The following QRFPR variants were observed in gnomAD, a reference collection of about 807,000 sequenced individuals.
The protein encoded by QRFPR is pyroglutamylated RF-amide peptide receptor.
A neutral mutation model predicts 31.3 loss-of-function variants in QRFPR; 37 were observed. The observed-to-expected ratio is 1.18, with a 90% confidence interval of 0.91 to 1.56. The LOEUF (loss-of-function observed/expected upper bound fraction) is 1.56. Ranked by LOEUF, QRFPR falls within the 40% of genes most tolerant of loss-of-function variation. The pLI, the probability that QRFPR is intolerant of heterozygous loss-of-function variation, is 0.00. For synonymous variants in QRFPR, 197 were observed against 192.0 expected (o/e 1.03, Z -0.22); for missense variants, 542 against 532.5 (o/e 1.02, Z -0.18).
intron 1 of QRFPR, among the ~76,000 whole-genome samples, chr4:121,341,244 A>T (rs1725538575): frequency 6.6e-6 from 1 of 152,222 alleles, no homozygotes. Context: ...TAAAATGTTT[A>T]TACTATCTGT....
intron 1 of QRFPR, among the ~76,000 whole-genome samples, chr4:121,369,192 C>T (rs1255458310): frequency 2.6e-5 from 4 of 152,120 alleles, no homozygotes; most frequent in African/African-American, 9.7e-5. Context: ...CCATGCCCGG[C>T]TAATTTTTGT....
At chr4:121,372,384 G>T (rs1034378122) in intron 1 of QRFPR, among the ~76,000 whole-genome samples, 3 of 152,028 alleles carry the variant, frequency 2.0e-5, no homozygotes, top group Middle Eastern at 3.2e-3. Flanking sequence ...GAGATAAAAA[G>T]TTTTATTTTT....
At position 121,376,741 on chromosome 4, in the gene QRFPR, C is replaced by G. The variant is rs538130289; in HGVS notation, c.340+3567G>C. Among the ~76,000 whole-genome samples, 114 of 152,294 alleles carry G rather than the reference C, an allele frequency of 7.5e-4. 1 individual carries two copies. The highest frequency in any genetic ancestry group is 3.4e-3 in the Middle Eastern group (1 of 292). On this transcript the variant is annotated intron_variant, in intron 1 of 5. Transcript: ENST00000394427. Reference sequence around the variant, plus strand: ...AAGAGACAAGTGTAACTGGTTTGGGCTGGGGCTGGCGCAGGCCATTTTCAA... The same window carrying G: ...AAGAGACAAGTGTAACTGGTTTGGGGTGGGGCTGGCGCAGGCCATTTTCAA...
intron 1 of QRFPR, among the ~76,000 whole-genome samples, chr4:121,342,009 G>A (rs1246659750): frequency 1.3e-5 from 2 of 152,184 alleles, no homozygotes; most frequent in Admixed American, 6.5e-5. Context: ...CTAGCAAAAT[G>A]TACTTCTGGA....
intron 2 of QRFPR, among the ~76,000 whole-genome samples, chr4:121,337,335 T>C (rs534444649): frequency 1.6e-4 from 25 of 152,284 alleles, no homozygotes; most frequent in African/African-American, 6.0e-4. Flanking sequence ...AATCACCTTC[T>C]CTAGGGAAAC....
chr4:121,337,317 G>A (rs959213139), intron 2 of QRFPR, among the ~76,000 whole-genome samples: 1 of 152,154 alleles, frequency 6.6e-6, no homozygotes, highest in African/African-American at 2.4e-5. Flanking sequence ...TCCAGGACTT[G>A]ACTCAGAAAT....
In QRFPR at chr4:121,351,429, C is replaced by T. The variant is rs1327016400; in HGVS notation, c.341-10819G>A. 2.0e-5 allele frequency among the ~76,000 whole-genome samples: 3 copies of T among 152,106 alleles called. 1 individual carries two copies. Among genetic ancestry groups the T allele is most frequent in the African/African-American group, 7.2e-5 (3 of 41,408 alleles). ...TTTTGTCTATACTGGTATGTTTCTT[C>T]TAATTTTCATTATTTTAATAGCTAC... On this transcript the variant is annotated intron_variant, in intron 1 of 5. Transcript: ENST00000394427.
In QRFPR at chr4:121,353,421, A is replaced by G. The variant is rs1725800936; in HGVS notation, c.341-12811T>C. On this transcript the variant is annotated intron_variant, in intron 1 of 5. Transcript: ENST00000394427. ...GGATGAAAGCCATCTTAACTGGGGT[A>G]AGATTCTATCACATTGTGGTTTTCA... Among the ~76,000 whole-genome samples, 4 of 152,032 alleles carry G rather than the reference A, an allele frequency of 2.6e-5. No individual in the cohort carries two copies. In the South Asian group the frequency reaches 8.3e-4, roughly 32 times the overall value.
At chr4:121,333,166 C>T in intron 3 of QRFPR, 110 bp from the exon 4 acceptor site, 1 of 676,212 alleles carries the variant, frequency 1.5e-6, no homozygotes, top group Non-Finnish European at 2.5e-6. Flanking sequence ...CAAATTTGTC[C>T]CCAGCACGTA....
At chr4:121,372,279 G>A (rs1301076114) in intron 1 of QRFPR, among the ~76,000 whole-genome samples, 2 of 152,112 alleles carry the variant, frequency 1.3e-5, no homozygotes, top group Non-Finnish European at 2.9e-5. Context: ...CCTGAGGTGC[G>A]TGATTAGTTC....
chr4:121,344,372 C>T (rs890054446), intron 1 of QRFPR, among the ~76,000 whole-genome samples: 1 of 152,112 alleles, frequency 6.6e-6, no homozygotes, highest in Admixed American at 6.6e-5. Context: ...GTTTAATAAC[C>T]CACCTGTGAA....
intron 1 of QRFPR, among the ~76,000 whole-genome samples, chr4:121,350,327 T>C (rs193199550): frequency 1.2e-3 from 179 of 152,336 alleles, no homozygotes; most frequent in African/African-American, 4.0e-3. Flanking sequence ...TATTCTTCAC[T>C]GTATTTGTTT....
In QRFPR at chr4:121,377,578, T is replaced by G. The variant is rs189940172; in HGVS notation, c.340+2730A>C. On this transcript the variant is annotated intron_variant, in intron 1 of 5. Transcript: ENST00000394427. ...ACTGACCCCTATTCCTAGAACACAC[T>G]CCATCCTCTGCTGGAAAGAGTCTAA... Among the ~76,000 whole-genome samples the G allele has an allele frequency of 6.2e-3, 948 of 152,234 alleles. 7 individuals carry two copies. The highest frequency in any genetic ancestry group is 8.7e-3 in the Non-Finnish European group (593 of 68,006).
At chr4:121,368,848 G>C (rs1180625835) in intron 1 of QRFPR, among the ~76,000 whole-genome samples, 6 of 150,494 alleles carry the variant, frequency 4.0e-5, no homozygotes, top group Non-Finnish European at 5.9e-5. Flanking sequence ...TTCTTACCTA[G>C]GGTAAATGAT....
chr4:121,370,212 G>A (rs1726208580), intron 1 of QRFPR: 2 of 774,758 alleles, frequency 2.6e-6, no homozygotes, highest in African/African-American at 1.7e-5. Flanking sequence ...TGATGGAGGA[G>A]GAGTCATGGG....
chr4:121,351,375 G>T (rs1438105009), intron 1 of QRFPR, among the ~76,000 whole-genome samples: 1 of 152,052 alleles, frequency 6.6e-6, no homozygotes, highest in South Asian at 2.1e-4. Flanking sequence ...GTGTATATTC[G>T]CAGCAAAAAC....
At chr4:121,375,225 G>A (rs2110485948) in intron 1 of QRFPR, among the ~76,000 whole-genome samples, 1 of 152,228 alleles carries the variant, frequency 6.6e-6, no homozygotes, top group Admixed American at 6.5e-5. Context: ...TTCTCTCCCA[G>A]CCTATCCCTC....
chr4:121,369,068 G>A (rs559605405), intron 1 of QRFPR, among the ~76,000 whole-genome samples: 5 of 152,148 alleles, frequency 3.3e-5, no homozygotes, highest in East Asian at 1.9e-4. Flanking sequence ...TCACTCTGTC[G>A]CCCAGGCTGG....
intron 1 of QRFPR, 85 bp from the exon 2 acceptor site, chr4:121,340,695 T>A (rs2110470399): frequency 1.5e-6 from 2 of 1,349,580 alleles, no homozygotes; most frequent in South Asian, 2.9e-5. Flanking sequence ...TCACTATCAG[T>A]CCATTCTGAG....
Sources: gnomAD v4.1 joint callset for allele counts (sites outside exome capture counted in the v4.1 genomes callset) on GRCh38, gnomAD v4.1.1 for gene constraint, MANE v1.5 for transcripts, NCBI Gene and HGNC (gene_info 2026-07-23, HGNC 2026-07-21) for gene names.